The following WRN variants were observed in gnomAD, a reference collection of about 807,000 sequenced individuals.
WRN encodes the protein bifunctional 3'-5' exonuclease/ATP-dependent helicase WRN.
Under a neutral mutation model 180.7 loss-of-function variants are expected in WRN, and 149 were observed. That is an observed-to-expected ratio of 0.82 (90% CI 0.72 to 0.94). WRN has a LOEUF of 0.94. Among genes scored for constraint, WRN ranks in the 40% least tolerant of loss-of-function variants. The probability of loss-of-function intolerance (pLI) is 0.00; values close to 1 mark genes in which losing one functional copy is unlikely to be tolerated. For missense variants in WRN, 1,661 were observed against 1,700.1 expected (o/e 0.98, Z 0.40); for synonymous variants, 548 against 568.9 (o/e 0.96, Z 0.52).
At chr8:31,157,341 C>T (rs1803424043) in intron 32 of WRN, 27 bp from the exon 33 acceptor site, 3 of 1,612,772 alleles carry the variant, frequency 1.9e-6, no homozygotes, top group Admixed American at 3.3e-5. Context: ...TTACAACTCA[C>T]TGGGTTCTTT....
rs111567321 is a variant in WRN, at chr8:31,175,082, C to A, written c.*1980C>A. ...TTATATAAAGATTTTTTCTGTGTTT[C>A]GAAGATCCGTATAACTCAGTGAATC... On this transcript the variant is annotated 3_prime_UTR_variant, in exon 35 of 35. Transcript: ENST00000298139. Among the ~76,000 whole-genome samples the A allele has an allele frequency of 0.013, 1,964 of 151,858 alleles. 43 individuals are homozygous for A. The highest frequency in any genetic ancestry group is 0.045 in the African/African-American group (1,859 of 41,400).
chr8:31,124,517 G>A lies in WRN; in HGVS notation c.2631-5G>A, dbSNP rs1060503818. Reference sequence around the variant, plus strand: ...ACATATTCCTGTGATGTTTTTAATCGACAGGCACCTTCTTACTGAGATACG... The same window carrying A: ...ACATATTCCTGTGATGTTTTTAATCAACAGGCACCTTCTTACTGAGATACG... On this transcript the variant is annotated splice_polypyrimidine_tract_variant and splice_region_variant and intron_variant, in intron 21 of 34. Transcript: ENST00000298139. 5 of 1,606,678 alleles carry A rather than the reference G, an allele frequency of 3.1e-6. No homozygotes were observed. Among genetic ancestry groups the A allele is most frequent in the African/African-American group, 2.7e-5 (2 of 74,726 alleles).
rs1804200972 is a variant in WRN, at chr8:31,174,290, T to G, written c.*1188T>G. Among the ~76,000 whole-genome samples, 1 of 152,238 alleles carries G rather than the reference T, an allele frequency of 6.6e-6. No homozygotes were observed. The highest frequency in any genetic ancestry group is 2.4e-5 in the African/African-American group (1 of 41,462). On this transcript the variant is annotated 3_prime_UTR_variant, in exon 35 of 35. Transcript: ENST00000298139. The stretch of plus-strand genomic sequence containing the variant: ...CATCTGCAATACCCTGTGAATATCC[T>G]GTGTGATGGAGTGGCAAGTACGCAC...
intron 24 of WRN, among the ~76,000 whole-genome samples, chr8:31,140,403 A>G (rs1802572684): frequency 6.6e-6 from 1 of 152,206 alleles, no homozygotes; most frequent in African/African-American, 2.4e-5. Context: ...TGAATGAAAA[A>G]GTATTTCTAT....
At chr8:31,122,895 G>T in intron 21 of WRN, among the ~76,000 whole-genome samples, 1 of 139,264 alleles carries the variant, frequency 7.2e-6, no homozygotes, top group Admixed American at 7.7e-5. Flanking sequence ...TCTATAGGAG[G>T]GGAACGAGGT....
At chr8:31,042,822 A>G (rs1811708921) in intron 1 of WRN, among the ~76,000 whole-genome samples, 1 of 152,222 alleles carries the variant, frequency 6.6e-6, no homozygotes, top group Non-Finnish European at 1.5e-5. Flanking sequence ...ACATATCCAC[A>G]AGGGTATTCA....
chr8:31,157,781 G>GC (rs1182850528), intron 33 of WRN, among the ~76,000 whole-genome samples: 2 of 152,174 alleles, frequency 1.3e-5, no homozygotes, highest in African/African-American at 4.8e-5. Context: ...AGGCTGGAGT[G>GC]CAGTGGCGTG....
Position 31,087,858 on chromosome 8 carries a change from C to T in WRN, c.1514C>T (p.Thr505Ile), listed in dbSNP as rs749569654. ...LKMERNLGLP[T>I]KEEEEDDENE... ...ATGGAAAGAAATCTGGGTCTTCCTA[C>T]TAAAGAAGAAGAAGAAGATGATGAA... The change falls in exon 12 of 35, where the codon ACT becomes ATT. Residue 505 changes from threonine to isoleucine, a missense_variant. Thr to Ile is a moderately conservative substitution (Grantham distance 89). Around this residue, in one of 3 missense-constraint regions of WRN, gnomAD observed 1,141 missense variants for 1,149.4 expected, o/e 0.99. Transcript: ENST00000298139. The T allele has an allele frequency of 1.2e-6, 2 of 1,613,578 alleles. No homozygotes were observed. Among genetic ancestry groups the T allele is most frequent in the South Asian group, 1.1e-5 (1 of 91,074 alleles).
At chr8:31,149,655 A>C (rs1204704968) in intron 30 of WRN, among the ~76,000 whole-genome samples, 1 of 151,404 alleles carries the variant, frequency 6.6e-6, no homozygotes, top group East Asian at 2.0e-4. Flanking sequence ...TTTGTATTTT[A>C]GTAGAGATGA....
At chr8:31,126,435 G>A (rs1801935155) in intron 23 of WRN, among the ~76,000 whole-genome samples, 1 of 152,156 alleles carries the variant, frequency 6.6e-6, no homozygotes, top group African/African-American at 2.4e-5. Context: ...ATCAGAAAAT[G>A]TTTTGAACTG....
chr8:31,124,028 G>A (rs576255272), intron 21 of WRN, among the ~76,000 whole-genome samples: 17 of 152,194 alleles, frequency 1.1e-4, no homozygotes, highest in African/African-American at 4.1e-4. Flanking sequence ...GTTTTGGAGG[G>A]CGAGAAGTCC....
intron 18 of WRN, among the ~76,000 whole-genome samples, chr8:31,101,794 A>C (rs1462838686): frequency 6.6e-6 from 1 of 150,978 alleles, no homozygotes; most frequent in Non-Finnish European, 1.5e-5. Context: ...TCTCAAAAAA[A>C]AAAAAAAAAA....
chr8:31,121,922 CAT>C (rs1164531332), intron 21 of WRN, among the ~76,000 whole-genome samples: 1 of 151,874 alleles, frequency 6.6e-6, no homozygotes, highest in Non-Finnish European at 1.5e-5. Context: ...CACAGCTGTA[CAT>C]GTTACTATTA....
chr8:31,123,136 T>G (rs2553274), intron 21 of WRN, among the ~76,000 whole-genome samples: 148,683 of 151,910 alleles, frequency 0.98, 72,855 homozygotes, highest in East Asian at 1. Flanking sequence ...CCACTCAGTC[T>G]GCCTCGACTT....
chr8:31,114,893 G>T (rs962622693), intron 19 of WRN, among the ~76,000 whole-genome samples: 2 of 136,172 alleles, frequency 1.5e-5, no homozygotes, highest in Non-Finnish European at 3.2e-5. Flanking sequence ...TTTAAAATAA[G>T]GTTTTTTTTT....
At position 31,064,407 on chromosome 8, in the gene WRN, T is replaced by TA. The variant is rs766733097; in HGVS notation, c.329dup (p.Tyr110Ter). Reference protein sequence around the residue: ...IQLCVSESKCYLFHVSSMSVF... With the variant: ...IQLCVSESKC Reference sequence around the variant, plus strand: ...GTTGTGTGTTTCTGAGAGCAAATGTTACTTGTTCCACGTTTCTTCCATGTC... The same window carrying TA: ...GTTGTGTGTTTCTGAGAGCAAATGTTAACTTGTTCCACGTTTCTTCCATGTC... Residue 110 changes from tyrosine (Y) to a stop codon, truncating the protein, a stop_gained and frameshift_variant, in exon 4 of 35, where the codon TAC (tyrosine) becomes TAAC (stop). Transcript: ENST00000298139. LOFTEE classifies it high-confidence loss of function. 3.1e-6 allele frequency: 5 copies of TA among 1,614,148 alleles called. No individual in the cohort carries two copies. The Admixed American group carries it at 8.3e-5, about 27-fold the overall frequency.
At chr8:31,171,196 G>A (rs1430553849) in intron 34 of WRN, 2 of 152,134 alleles carry the variant, frequency 1.3e-5, no homozygotes, top group African/African-American at 4.8e-5. Context: ...GCTACAACAT[G>A]ACTTAGGGTT....
Position 31,090,910 on chromosome 8 carries a change from TTC to T in WRN, c.1801_1802del (p.Leu601AspfsTer9). 2 of 1,613,064 alleles carry T rather than the reference TTC, an allele frequency of 1.2e-6. No individual in the cohort carries two copies. Among genetic ancestry groups the T allele is most frequent in the African/African-American group, 1.3e-5 (1 of 74,996 alleles). Reference sequence around the variant, plus strand: ...TTGGCCTTGTTATCTCTCCCCTTATTTCTCTGATGGAAGACCAAGTGCTACAG... The same window carrying T: ...TTGGCCTTGTTATCTCTCCCCTTATTTCTGATGGAAGACCAAGTGCTACAG... ...KIGLVISPLI[S>X]LMEDQVLQLK... On this transcript the variant is annotated frameshift_variant, in exon 15 of 35. Transcript: ENST00000298139. LOFTEE classifies it high-confidence loss of function.
chr8:31,092,075 T>G (rs1207759802), intron 16 of WRN, among the ~76,000 whole-genome samples, 177 bp downstream of exon 16: 1 of 152,012 alleles, frequency 6.6e-6, no homozygotes, highest in Non-Finnish European at 1.5e-5. Context: ...CAAATTTTAC[T>G]AAATGCATGA....
Sources: allele counts gnomAD v4.1 joint callset (sites outside exome capture counted in the v4.1 genomes callset), GRCh38; gene constraint gnomAD v4.1.1; regional missense constraint gnomAD v4.1.1; transcripts MANE v1.5; gene names NCBI Gene and HGNC (gene_info 2026-07-23, HGNC 2026-07-21).